TTC21A: variants seen among roughly 807,000 people sequenced by gnomAD.
The protein encoded by TTC21A is tetratricopeptide repeat domain 21A, also known as tetratricopeptide repeat protein 21A.
In TTC21A, 128 loss-of-function variants were observed where a neutral mutation model predicts 156.4. The observed-to-expected ratio is 0.82, with a 90% CI of 0.71 to 0.95. TTC21A has a LOEUF of 0.95. TTC21A is among the 40% of genes least tolerant of loss of function. The pLI, the probability that TTC21A is intolerant of heterozygous loss-of-function variation, is 0.00. For synonymous variants in TTC21A, 587 were observed against 617.1 expected (o/e 0.95, Z 0.72); for missense variants, 1,435 against 1,602.3 (o/e 0.90, Z 1.78).
chr3:39,127,845 C>T (rs1446372621), intron 12 of TTC21A, among the ~76,000 whole-genome samples: 1 of 152,230 alleles, frequency 6.6e-6, no homozygotes, highest in Admixed American at 6.5e-5. Flanking sequence ...GCCCCAGGTA[C>T]CACATCTGAA....
In TTC21A at chr3:39,128,491, G is replaced by C; in HGVS notation, c.1680+3G>C. On this transcript the variant is annotated splice_donor_region_variant and intron_variant, in intron 13 of 28. Transcript: ENST00000683103. ...TGGGTGTCAGCCACAACTTCCAGGTGGGTGCCCTCTCATCCTCTCAGCATC... is the reference window on the plus strand; with the variant it reads ...TGGGTGTCAGCCACAACTTCCAGGTCGGTGCCCTCTCATCCTCTCAGCATC... 6.2e-7 allele frequency: 1 copy of C among 1,614,076 alleles called. No individual in the cohort carries two copies. Among genetic ancestry groups the C allele is most frequent in the Non-Finnish European group, 8.5e-7 (1 of 1,179,992 alleles).
rs970713025 is a variant in TTC21A at position 39,136,352 on chromosome 3, T to C, written c.2945-5T>C. 11 of 1,610,434 alleles carry C rather than the reference T, an allele frequency of 6.8e-6. No homozygotes were observed. Among genetic ancestry groups the C allele is most frequent in the South Asian group, 1.1e-5 (1 of 90,638 alleles). ...CAGCCTGGAGATTTCTGTCTCTTATTTTAGACAATTTTTTGGTATTGCATA... is the reference window on the plus strand; with the variant it reads ...CAGCCTGGAGATTTCTGTCTCTTATCTTAGACAATTTTTTGGTATTGCATA... On this transcript the variant is annotated splice_region_variant and splice_polypyrimidine_tract_variant and intron_variant, in intron 22 of 28. Coordinates refer to ENST00000683103, the MANE Select transcript of TTC21A (RefSeq NM_001366900.1).
At position 39,128,856 on chromosome 3, in the gene TTC21A, G is replaced by A; in HGVS notation, c.1820G>A (p.Arg607Lys). ...AAGGAAGAAGGCAGAAAGTTCCTCA[G>A]GCCCTCTGTGCAGCCTAGCCAGCGG... ...LKKEEGRKFLRPSVQPSQRAS... is the reference protein window; with the variant it reads ...LKKEEGRKFLKPSVQPSQRAS... The change falls in exon 14 of 29, where the codon AGG (arginine) becomes AAG (lysine). Residue 607 changes from arginine to lysine, a missense_variant. Arg to Lys is a conservative substitution (Grantham distance 26). Transcript: ENST00000683103. 8.1e-6 allele frequency: 13 copies of A among 1,614,214 alleles called. No homozygotes were observed. Among genetic ancestry groups the A allele is most frequent in the Non-Finnish European group, 1.1e-5 (13 of 1,180,032 alleles).
intron 20 of TTC21A, 75 bp downstream of exon 20, chr3:39,133,315 C>T: frequency 7.0e-7 from 1 of 1,435,026 alleles, no homozygotes; most frequent in Middle Eastern, 1.8e-4. Context: ...TGACCAGGTA[C>T]AGGGGCCAGT....
At chr3:39,136,654 G>T in intron 23 of TTC21A, 147 bp downstream of exon 23, 1 of 1,103,344 alleles carries the variant, frequency 9.1e-7, no homozygotes, top group Non-Finnish European at 1.3e-6. Context: ...GGGGGCAGGG[G>T]TGGAACCCTG....
chr3:39,114,264 G>A (rs1223800249), intron 5 of TTC21A, among the ~76,000 whole-genome samples: 3 of 152,222 alleles, frequency 2.0e-5, no homozygotes, highest in Non-Finnish European at 4.4e-5. Flanking sequence ...AGCACCCAGT[G>A]ACCTCACCTC....
intron 12 of TTC21A, among the ~76,000 whole-genome samples, 170 bp downstream of exon 12, chr3:39,126,560 TGCATG>T (rs2038279920): frequency 9.2e-6 from 1 of 109,088 alleles, no homozygotes; most frequent in Non-Finnish European, 1.9e-5. Context: ...CACACACACA[TGCATG>T]CTCCTTGCCT....
At chr3:39,121,650 G>A (rs557381443) in intron 9 of TTC21A, among the ~76,000 whole-genome samples, 4 of 152,306 alleles carry the variant, frequency 2.6e-5, no homozygotes, top group African/African-American at 4.8e-5. Context: ...GTCTGTCCAG[G>A]TGACTTTAAA....
intron 12 of TTC21A, 83 bp downstream of exon 12, chr3:39,126,473 ACT>A: frequency 2.2e-5 from 22 of 986,720 alleles, no homozygotes; most frequent in Non-Finnish European, 3.1e-5. Context: ...TGCCTAGGAT[ACT>A]ACACACACAC....
intron 12 of TTC21A, 52 bp downstream of exon 12, chr3:39,126,442 G>A (rs1450184528): frequency 1.3e-6 from 2 of 1,581,902 alleles, no homozygotes; most frequent in Middle Eastern, 1.8e-4. Context: ...ACCTGATGTA[G>A]CTTTGTGTCT....
chr3:39,135,889 C>T (rs188872086), intron 22 of TTC21A, among the ~76,000 whole-genome samples: 2 of 151,926 alleles, frequency 1.3e-5, no homozygotes, highest in African/African-American at 4.8e-5. Flanking sequence ...CCTGTCTCTA[C>T]TAAAAATACA....
At position 39,128,869 on chromosome 3, in the gene TTC21A, G is replaced by A. The variant is rs778438376; in HGVS notation, c.1833G>A (p.Gln611=). ...EGRKFLRPSV[Q]PSQRASILLE... ...GAAAGTTCCTCAGGCCCTCTGTGCA[G>A]CCTAGCCAGCGGGCATCCATCTTAT... The change falls in exon 14 of 29, where the codon CAG becomes CAA. Residue 611 remains glutamine (Q), a synonymous_variant. Transcript: ENST00000683103. 1 of 1,614,202 alleles carries A rather than the reference G, an allele frequency of 6.2e-7. No homozygotes were observed. Among genetic ancestry groups the A allele is most frequent in the African/African-American group, 1.3e-5 (1 of 75,058 alleles).
chr3:39,109,288 G>A, intron 2 of TTC21A, 74 bp downstream of exon 2: 2 of 1,512,852 alleles, frequency 1.3e-6, no homozygotes, highest in Non-Finnish European at 1.8e-6. Context: ...CCACCTGGAT[G>A]CCTTCTTGTA....
At chr3:39,129,759 A>G (rs895462152) in intron 15 of TTC21A, among the ~76,000 whole-genome samples, 1 of 152,216 alleles carries the variant, frequency 6.6e-6, no homozygotes, top group Non-Finnish European at 1.5e-5. Context: ...GAAACCAGTG[A>G]ACAGTATGGA....
chr3:39,130,036 G>T lies in TTC21A; in HGVS notation c.2136-43G>T. 1 of 1,594,492 alleles carries T rather than the reference G, an allele frequency of 6.3e-7. No individual in the cohort carries two copies. The highest frequency in any genetic ancestry group is 8.6e-7 in the Non-Finnish European group (1 of 1,163,866). ...GGAGATGATTTCAGGAACATGAGGT[G>T]TGTGCGAACCTGGGATAAGCTTTTG... On this transcript the variant is annotated intron_variant, in intron 15 of 28. Coordinates refer to ENST00000683103, the MANE Select transcript of TTC21A (RefSeq NM_001366900.1). This position sits in a 1 kb window ranked among gnomAD's most constrained non-coding sequence, Gnocchi z 4.5.
chr3:39,122,208 C>T lies in TTC21A; in HGVS notation c.1093+1019C>T, dbSNP rs188331929. Among the ~76,000 whole-genome samples the T allele has an allele frequency of 3.7e-3, 563 of 151,728 alleles. 1 individual carries two copies. The highest frequency in any genetic ancestry group is 0.018 in the South Asian group (85 of 4,784). On this transcript the variant is annotated intron_variant, in intron 9 of 28. Transcript: ENST00000683103. ...CACCTGTAATCCCAGCTATTTGGGACGCTGAGGCCGGAGAATCACTTGAAC... is the reference window on the plus strand; with the variant it reads ...CACCTGTAATCCCAGCTATTTGGGATGCTGAGGCCGGAGAATCACTTGAAC...
At chr3:39,136,209 G>GT (rs1452377052) in intron 22 of TTC21A, 148 bp from the exon 23 acceptor site, 2 of 707,024 alleles carry the variant, frequency 2.8e-6, no homozygotes, top group Non-Finnish European at 4.7e-6. Context: ...ACTCAACCCT[G>GT]GAGACCAGTG....
chr3:39,114,725 A>G lies in TTC21A; in HGVS notation c.699A>G (p.Thr233=). 9 of 1,614,248 alleles carry G rather than the reference A, an allele frequency of 5.6e-6. No individual in the cohort carries two copies. Among genetic ancestry groups the G allele is most frequent in the South Asian group, 2.2e-5 (2 of 91,090 alleles). ...LFLARQDWEQ[T]VEMGHRILEK... ...TAGCTCGGCAGGACTGGGAGCAGACAGTAGAAATGGGACACAGGTGAGCTA... is the reference window on the plus strand; with the variant it reads ...TAGCTCGGCAGGACTGGGAGCAGACGGTAGAAATGGGACACAGGTGAGCTA... Residue 233 remains threonine (T), a synonymous_variant, in exon 6 of 29, where the codon ACA becomes ACG. Transcript: ENST00000683103.
rs769684988 is a variant in TTC21A, at chr3:39,134,459, G to C, written c.2862+131G>C. 1.3e-6 allele frequency: 1 copy of C among 755,782 alleles called. No individual in the cohort carries two copies. The highest frequency in any genetic ancestry group is 2.5e-5 in the East Asian group (1 of 39,276). 46.8% of individuals were successfully genotyped at this position (755,782 alleles called of 1,614,324 possible). On this transcript the variant is annotated intron_variant, in intron 21 of 28. Coordinates refer to ENST00000683103, the MANE Select transcript of TTC21A (RefSeq NM_001366900.1). The surrounding 1 kb of genome is among the most constrained non-coding windows in gnomAD (Gnocchi z 4.6). ...CTGACACACCTCTGAGGAGCTGTCG[G>C]GCAGAGAGGACTCAGTGCTGCACCT... is the stretch of plus-strand genomic sequence containing the variant.
Sources: gnomAD v4.1 joint callset for allele counts (sites outside exome capture counted in the v4.1 genomes callset) on GRCh38, gnomAD v4.1.1 for gene constraint, Gnocchi (gnomAD v3.1) non-coding constraint, MANE v1.5 for transcripts, NCBI Gene and HGNC (gene_info 2026-07-23, HGNC 2026-07-21) for gene names.